PLCZ1: variants seen among roughly 807,000 people sequenced by gnomAD.
PLCZ1 encodes phospholipase C zeta 1, also known as 1-phosphatidylinositol 4,5-bisphosphate phosphodiesterase zeta-1.
In PLCZ1, 64 loss-of-function variants were observed where a neutral mutation model predicts 76.8. The observed-to-expected ratio is 0.83, with a 90% CI of 0.68 to 1.03. PLCZ1 has a LOEUF of 1.03. Ranked by LOEUF, PLCZ1 falls within the 50% of genes least tolerant of loss-of-function variation. The pLI is 0.00. For missense variants in PLCZ1, 751 were observed against 713.7 expected (o/e 1.05, Z -0.60); for synonymous variants, 248 against 230.8 (o/e 1.07, Z -0.68).
chr12:18,726,526 T>C (rs1041207165), intron 3 of PLCZ1, among the ~76,000 whole-genome samples: 1 of 152,172 alleles, frequency 6.6e-6, no homozygotes, highest in Non-Finnish European at 1.5e-5. Context: ...TTAATTACTA[T>C]ACGTTTAAAT....
chr12:18,692,024 G>A (rs538773518), intron 12 of PLCZ1, among the ~76,000 whole-genome samples: 1 of 152,122 alleles, frequency 6.6e-6, no homozygotes, highest in African/African-American at 2.4e-5. Flanking sequence ...CAAATCCTGT[G>A]GTATTACGAT....
the PLCZ1 span, among the ~76,000 whole-genome samples, chr12:18,673,925 C>T: frequency 6.6e-6 from 1 of 152,166 alleles, no homozygotes; most frequent in Non-Finnish European, 1.5e-5. Context: ...GCCAAGAAAA[C>T]AATTGTCTAC....
chr12:18,693,949 T>A (rs1938652148), intron 12 of PLCZ1: 4 of 1,518,884 alleles, frequency 2.6e-6, no homozygotes, highest in Non-Finnish European at 3.7e-6. Context: ...ATGACCTCTC[T>A]GGTGCTGACA....
intron 3 of PLCZ1, among the ~76,000 whole-genome samples, chr12:18,726,306 A>G (rs1235852112): frequency 6.6e-6 from 1 of 152,180 alleles, no homozygotes; most frequent in Non-Finnish European, 1.5e-5. Flanking sequence ...AAATAAGAGT[A>G]ATAAAATCAT....
the PLCZ1 span, among the ~76,000 whole-genome samples, chr12:18,675,741 A>T: frequency 6.6e-6 from 1 of 152,126 alleles, no homozygotes; most frequent in Non-Finnish European, 1.5e-5. Flanking sequence ...ATGGAGCTGG[A>T]GTCCATTATT....
the PLCZ1 span, among the ~76,000 whole-genome samples, chr12:18,671,570 A>G: frequency 6.6e-6 from 1 of 152,088 alleles, no homozygotes; most frequent in South Asian, 2.1e-4. Flanking sequence ...CAAAACTACA[A>G]ATTTGATTTC....
chr12:18,737,447 A>G lies in PLCZ1; in HGVS notation c.-76T>C. 1 of 1,588,574 alleles carries G rather than the reference A, an allele frequency of 6.3e-7. No individual in the cohort carries two copies. Among genetic ancestry groups the G allele is most frequent in the Non-Finnish European group, 8.6e-7 (1 of 1,156,954 alleles). ...GTAGGTGCTGTCATGGGTTCCAAAT[A>G]CAATTAACTCTGCCCCTTTGCAGAA... On this transcript the variant is annotated 5_prime_UTR_variant, in exon 2 of 15. Coordinates refer to ENST00000266505, the MANE Select transcript of PLCZ1 (RefSeq NM_033123.4).
chr12:18,732,350 C>T (rs1959099049), intron 3 of PLCZ1, among the ~76,000 whole-genome samples: 1 of 152,114 alleles, frequency 6.6e-6, no homozygotes, highest in Non-Finnish European at 1.5e-5. Flanking sequence ...ACGAGTTTCA[C>T]CATGTTGTAC....
intron 10 of PLCZ1, among the ~76,000 whole-genome samples, chr12:18,696,932 A>C (rs1468932783): frequency 3.7e-4 from 57 of 152,276 alleles, no homozygotes; most frequent in African/African-American, 1.3e-3. Flanking sequence ...TAGTATACAC[A>C]CAAACAGGAA....
the PLCZ1 span, among the ~76,000 whole-genome samples, chr12:18,654,873 G>T: frequency 6.6e-6 from 1 of 152,072 alleles, no homozygotes; most frequent in African/African-American, 2.4e-5. Flanking sequence ...AGAGTGGAAA[G>T]TTGGAAAAAC....
At chr12:18,665,902 T>A in the PLCZ1 span, among the ~76,000 whole-genome samples, 1 of 146,422 alleles carries the variant, frequency 6.8e-6, no homozygotes. Context: ...GCCATTGTAC[T>A]CCAGCCTGGG....
chr12:18,676,522 A>C, the PLCZ1 span, among the ~76,000 whole-genome samples: 24 of 152,184 alleles, frequency 1.6e-4, no homozygotes, highest in Non-Finnish European at 2.8e-4. Flanking sequence ...CTCTCCTGTT[A>C]TCACTTACAT....
At chr12:18,667,602 T>C in the PLCZ1 span, among the ~76,000 whole-genome samples, 5 of 152,154 alleles carry the variant, frequency 3.3e-5, no homozygotes, top group Admixed American at 6.6e-5. Flanking sequence ...TTGTCACCAA[T>C]TTTCTGTAGT....
chr12:18,685,889 TTA>T (rs1953068944), intron 13 of PLCZ1, among the ~76,000 whole-genome samples: 1 of 134,932 alleles, frequency 7.4e-6, no homozygotes, highest in Non-Finnish European at 1.6e-5. Flanking sequence ...TATGGATTAA[TTA>T]TAAGAGAAAG....
At position 18,688,140 on chromosome 12, in the gene PLCZ1, CA is replaced by C; in HGVS notation, c.1539del (p.Phe513LeufsTer8). 2 of 1,611,128 alleles carry C rather than the reference CA, an allele frequency of 1.2e-6. No homozygotes were observed. ...KGDSLVIIEV[F>X]GVPNDQMKQQ... ...TGCTTCATTTGATCATTTGGAACACCAAAAACTTCTATAATTACTAATGAAT... is the reference window on the plus strand; with the variant it reads ...TGCTTCATTTGATCATTTGGAACACCAAAACTTCTATAATTACTAATGAAT... On this transcript the variant is annotated frameshift_variant, in exon 13 of 15. Coordinates refer to ENST00000266505, the MANE Select transcript of PLCZ1 (RefSeq NM_033123.4). LOFTEE classifies it high-confidence loss of function.
At chr12:18,730,191 C>T (rs1958965933) in intron 3 of PLCZ1, among the ~76,000 whole-genome samples, 1 of 152,006 alleles carries the variant, frequency 6.6e-6, no homozygotes, top group Non-Finnish European at 1.5e-5. Flanking sequence ...AGATTTTGGT[C>T]ACGTAGGACT....
chr12:18,674,740 G>A, the PLCZ1 span, among the ~76,000 whole-genome samples: 7 of 152,118 alleles, frequency 4.6e-5, no homozygotes, highest in East Asian at 1.9e-4. Flanking sequence ...TAACTAACAC[G>A]ATAGAGTGAA....
At chr12:18,733,963 C>T (rs1959171967) in intron 3 of PLCZ1, among the ~76,000 whole-genome samples, 2 of 151,910 alleles carry the variant, frequency 1.3e-5, no homozygotes, top group African/African-American at 2.4e-5. Flanking sequence ...TTTTTTGATT[C>T]CAATATGAAT....
the PLCZ1 span, among the ~76,000 whole-genome samples, chr12:18,650,696 GTGTGTGTGTATATATCTATATATA>G: frequency 0.034 from 1,498 of 43,548 alleles, 84 homozygotes; most frequent in Middle Eastern, 0.049. Flanking sequence ...GTGTGTGTGT[GTGTGTGTGTATATATCTATATATA>G]TATATATATA....
Sources: allele counts gnomAD v4.1 joint callset (sites outside exome capture counted in the v4.1 genomes callset), GRCh38; gene constraint gnomAD v4.1.1; transcripts MANE v1.5; gene names NCBI Gene and HGNC (gene_info 2026-07-23, HGNC 2026-07-21).